The following AEBP1 variants were observed in gnomAD, a reference collection of about 807,000 sequenced individuals.
AEBP1 encodes AE binding protein 1.
In AEBP1, 69 loss-of-function variants were observed where a neutral mutation model predicts 116.5. The ratio of observed to expected loss-of-function variants is 0.59; its 90% CI spans 0.49 to 0.72. The LOEUF is 0.72. AEBP1 is among the 30% of genes least tolerant of loss of function. The pLI, the probability that AEBP1 is intolerant of heterozygous loss-of-function variation, is 0.00. For missense variants in AEBP1, 1,444 were observed against 1,557.5 expected (o/e 0.93, Z 1.23); for synonymous variants, 627 against 627.3 (o/e 1.00, Z 0.01).
rs138524537 is a variant in AEBP1, at chr7:44,110,905, C to T, written c.1486-8C>T. The T allele has an allele frequency of 2.0e-5, 33 of 1,613,742 alleles. No individual in the cohort carries two copies. Among genetic ancestry groups the T allele is most frequent in the Non-Finnish European group, 2.8e-5 (33 of 1,179,998 alleles). ...GGCAGTACTGCTCTGAGGCCTGCCT[C>T]TCCCCAGACCTTTCATGGGAACGTG... On this transcript the variant is annotated splice_region_variant and splice_polypyrimidine_tract_variant and intron_variant, in intron 12 of 20. Transcript: ENST00000223357.
At position 44,112,934 on chromosome 7, in the gene AEBP1, G is replaced by T; in HGVS notation, c.2569+25G>T. The T allele has an allele frequency of 6.2e-7, 1 of 1,612,016 alleles. No homozygotes were observed. The highest frequency in any genetic ancestry group is 1.1e-5 in the South Asian group (1 of 90,986). ...AGTGAGTCAGCCTGGGAGGGGCTGTGGGCGGGGCCTGGTCCGGAGAGGGGC... is the reference window on the plus strand; with the variant it reads ...AGTGAGTCAGCCTGGGAGGGGCTGTTGGCGGGGCCTGGTCCGGAGAGGGGC... On this transcript the variant is annotated intron_variant, in intron 18 of 20. Transcript: ENST00000223357. This position sits in a 1 kb window ranked among gnomAD's most constrained non-coding sequence, Gnocchi z 6.6.
Position 44,110,937 on chromosome 7 carries a change from G to A in AEBP1, c.1510G>A (p.Asp504Asn). 1 of 1,614,030 alleles carries A rather than the reference G, an allele frequency of 6.2e-7. No homozygotes were observed. Among genetic ancestry groups the A allele is most frequent in the Non-Finnish European group, 8.5e-7 (1 of 1,180,020 alleles). Residue 504 changes from aspartate (D) to asparagine (N), a missense_variant, in exon 13 of 21, where the codon GAC becomes AAC. Physicochemically the swap from Asp to Asn is conservative, Grantham distance 23. Transcript: ENST00000223357. ...EMTFHGNVDK[D>N]TPVLSELPEP... ...GACCTTTCATGGGAACGTGGACAAG[G>A]ACACACCCGTGCTGAGTGAGCTCCC...
rs113249989 is a variant in AEBP1 at position 44,107,184 on chromosome 7, G to T, written c.596-255G>T. The stretch of plus-strand genomic sequence containing the variant: ...ATGGAGTTCCCTCCTGCCTTCTCCC[G>T]CTGGGGACAGCTTTGTGGTAGGGCC... On this transcript the variant is annotated intron_variant, in intron 2 of 20. Coordinates refer to ENST00000223357, the MANE Select transcript of AEBP1 (RefSeq NM_001129.5). This position sits in a 1 kb window ranked among gnomAD's most constrained non-coding sequence, Gnocchi z 4.3. 0.015 allele frequency among the ~76,000 whole-genome samples: 2,319 copies of T among 152,272 alleles called. 55 individuals are homozygous for T. Among genetic ancestry groups the T allele is most frequent in the African/African-American group, 0.052 (2,141 of 41,564 alleles).
rs1349725218 is a variant in AEBP1, at chr7:44,108,008, G to A, written c.864G>A (p.Glu288=). 5 of 1,586,316 alleles carry A rather than the reference G, an allele frequency of 3.2e-6. No homozygotes were observed. The highest frequency in any genetic ancestry group is 4.3e-6 in the Non-Finnish European group (5 of 1,168,022). Residue 288 remains glutamate (E), a splice_region_variant and synonymous_variant, in exon 6 of 21, where the codon GAG becomes GAA. Coordinates refer to ENST00000223357, the MANE Select transcript of AEBP1 (RefSeq NM_001129.5). The surrounding 1 kb of genome is among the most constrained non-coding windows in gnomAD (Gnocchi z 5.0). ...CTCCTAACCTCCCCGCCTCCCCAGA[G>A]CCTCCTGTGAAGCCTCTGCTGCCCC... ...APAPAPEERI[E]PPVKPLLPPL...
Position 44,107,921 on chromosome 7 carries a change from G to T in AEBP1, c.852G>T (p.Glu284Asp). ...AGAAGGCCCCGGCCCCAGCCCCGGAGGAGAGGATTGGTAGGATGGGGGGCA... is the reference window on the plus strand; with the variant it reads ...AGAAGGCCCCGGCCCCAGCCCCGGATGAGAGGATTGGTAGGATGGGGGGCA... The part of the protein sequence containing the change: ...PEEKAPAPAP[E>D]ERIEPPVKPL... The change falls in exon 5 of 21, where the codon GAG becomes GAT. Residue 284 changes from glutamate (E) to aspartate (D), a missense_variant. Coordinates refer to ENST00000223357, the MANE Select transcript of AEBP1 (RefSeq NM_001129.5). This position sits in a 1 kb window ranked among gnomAD's most constrained non-coding sequence, Gnocchi z 4.3. 1 of 1,588,038 alleles carries T rather than the reference G, an allele frequency of 6.3e-7. No homozygotes were observed.
rs2128809560 is a variant in AEBP1, at chr7:44,113,874, G to A, written c.3090G>A (p.Arg1030=). The change falls in exon 21 of 21, where the codon CGG becomes CGA. Residue 1030 remains arginine, a synonymous_variant. Transcript: ENST00000223357. The surrounding 1 kb of genome is among the most constrained non-coding windows in gnomAD (Gnocchi z 5.3). The part of the protein sequence containing the change: ...QRRLQHRLRL[R]AQMRLRRLNA... ...GCCTACAACACCGCCTGCGGCTTCG[G>A]GCACAGATGCGGCTGCGGCGCCTCA... 1 of 1,613,624 alleles carries A rather than the reference G, an allele frequency of 6.2e-7. No homozygotes were observed. The highest frequency in any genetic ancestry group is 1.7e-5 in the Admixed American group (1 of 60,014).
intron 1 of AEBP1, 76 bp downstream of exon 1, chr7:44,104,994 G>A: frequency 8.2e-7 from 1 of 1,226,000 alleles, no homozygotes; most frequent in Non-Finnish European, 1.1e-6. Context: ...GTAGGGTCTG[G>A]CCACTCCCCA....
At position 44,113,653 on chromosome 7, in the gene AEBP1, G is replaced by A. The variant is rs1473933290; in HGVS notation, c.2869G>A (p.Ala957Thr). 1.2e-6 allele frequency: 2 copies of A among 1,613,676 alleles called. No individual in the cohort carries two copies. Among genetic ancestry groups the A allele is most frequent in the Non-Finnish European group, 1.7e-6 (2 of 1,179,972 alleles). Residue 957 changes from alanine to threonine, a missense_variant, in exon 21 of 21, where the codon GCG (alanine) becomes ACG (threonine). Transcript: ENST00000223357. The surrounding 1 kb of genome is among the most constrained non-coding windows in gnomAD (Gnocchi z 5.3). ...NPGEYRVTAH[A>T]EGYTPSAKTC... Reference sequence around the variant, plus strand: ...GGGTGAGTACCGCGTGACAGCCCACGCGGAGGGCTACACCCCGAGCGCCAA... The same window carrying A: ...GGGTGAGTACCGCGTGACAGCCCACACGGAGGGCTACACCCCGAGCGCCAA...
rs539867334 is a variant in AEBP1, at chr7:44,106,700, T to C, written c.408T>C (p.Pro136=). The C allele has an allele frequency of 3.3e-5, 53 of 1,582,240 alleles. No homozygotes were observed. In the African/African-American group the frequency reaches 5.2e-4, roughly 16 times the overall value. The change falls in exon 2 of 21, where the codon CCT becomes CCC. Residue 136 remains proline (P), a synonymous_variant. Transcript: ENST00000223357. ...CCAAGAAGCCCAAGGAGAAGCCACC[T>C]AAGGCCACCAAGAAGCCCAAGGAGA... ...KATKKPKEKP[P]KATKKPKEKP...
Position 44,106,726 on chromosome 7 carries a change from A to G in AEBP1, c.434A>G (p.Lys145Arg), listed in dbSNP as rs763213790. 2.5e-6 allele frequency: 4 copies of G among 1,611,966 alleles called. No individual in the cohort carries two copies. Among genetic ancestry groups the G allele is most frequent in the Non-Finnish European group, 3.4e-6 (4 of 1,179,482 alleles). The change falls in exon 2 of 21, where the codon AAG becomes AGG. Residue 145 changes from lysine to arginine, a missense_variant. Transcript: ENST00000223357. ...AAGGCCACCAAGAAGCCCAAGGAGA[A>G]GCCACCCAAGGCCACCAAGAAGCCC... ...PPKATKKPKEKPPKATKKPKE... is the reference protein window; with the variant it reads ...PPKATKKPKERPPKATKKPKE...
rs1384836112 is a variant in AEBP1, at chr7:44,108,274, G to T, written c.940+190G>T. 6.6e-6 allele frequency among the ~76,000 whole-genome samples: 1 copy of T among 152,176 alleles called. No homozygotes were observed. The highest frequency in any genetic ancestry group is 2.4e-5 in the African/African-American group (1 of 41,522). The stretch of plus-strand genomic sequence containing the variant: ...CCCTGTCTCCTCTGCCCTCAGGCTG[G>T]TCTTTCCTTGGCCGCTTCCCTGGTT... On this transcript the variant is annotated intron_variant, in intron 6 of 20. Transcript: ENST00000223357. The surrounding 1 kb of genome is among the most constrained non-coding windows in gnomAD (Gnocchi z 5.0).
At chr7:44,109,409 C>A in intron 9 of AEBP1, 68 bp downstream of exon 9, 1 of 1,437,250 alleles carries the variant, frequency 7.0e-7, no homozygotes, top group Non-Finnish European at 9.3e-7. Context: ...AAGTGACTGG[C>A]CCAATGTCAC....
chr7:44,113,631 T>C lies in AEBP1; in HGVS notation c.2847T>C (p.Gly949=). 2 of 1,612,688 alleles carry C rather than the reference T, an allele frequency of 1.2e-6. No individual in the cohort carries two copies. Among genetic ancestry groups the C allele is most frequent in the Non-Finnish European group, 1.7e-6 (2 of 1,179,774 alleles). ...ATTACTGGCGAATCTTGAACCCGGG[T>C]GAGTACCGCGTGACAGCCCACGCGG... ...GGDYWRILNP[G]EYRVTAHAEG... is the part of the protein sequence containing the mutation. The change falls in exon 21 of 21, where the codon GGT becomes GGC. Residue 949 remains glycine (G), a synonymous_variant. Transcript: ENST00000223357. This position sits in a 1 kb window ranked among gnomAD's most constrained non-coding sequence, Gnocchi z 5.3.
chr7:44,114,054 GAC>G lies in AEBP1; in HGVS notation c.3272_3273del (p.Thr1091ArgfsTer19). ...SETETYTEVV[T>X]EFGTEVEPEF... ...AGACTGAGACCTACACAGAGGTGGT[GAC>G]AGAGTTTGGGACCGAGGTGGAGCCC... On this transcript the variant is annotated frameshift_variant, in exon 21 of 21. Coordinates refer to ENST00000223357, the MANE Select transcript of AEBP1 (RefSeq NM_001129.5). LOFTEE classifies it low-confidence loss of function (END_TRUNC). 1 of 1,614,202 alleles carries G rather than the reference GAC, an allele frequency of 6.2e-7. No individual in the cohort carries two copies. The highest frequency in any genetic ancestry group is 8.5e-7 in the Non-Finnish European group (1 of 1,180,028).
Position 44,112,563 on chromosome 7 carries a change from C to T in AEBP1, c.2223C>T (p.Ser741=), listed in dbSNP as rs1039459540. Reference sequence around the variant, plus strand: ...ACACGTGCTGGCCACTCCAGGTATCCACGGAGGTCCGGGCCATCATTGCCT... The same window carrying T: ...ACACGTGCTGGCCACTCCAGGTATCTACGGAGGTCCGGGCCATCATTGCCT... ...ERYLSPDATV[S]TEVRAIIAWM... The change falls in exon 18 of 21, where the codon TCC becomes TCT. Residue 741 remains serine (S), a synonymous_variant. Coordinates refer to ENST00000223357, the MANE Select transcript of AEBP1 (RefSeq NM_001129.5). The surrounding 1 kb of genome is among the most constrained non-coding windows in gnomAD (Gnocchi z 6.6). The T allele has an allele frequency of 3.8e-6, 6 of 1,582,316 alleles. No homozygotes were observed. The highest frequency in any genetic ancestry group is 5.2e-6 in the Non-Finnish European group (6 of 1,160,010).
rs761358592 is a variant in AEBP1, at chr7:44,113,861, G to C, written c.3077G>C (p.Arg1026Pro). The change falls in exon 21 of 21, where the codon CGC (arginine) becomes CCC (proline). Residue 1026 changes from arginine (R) to proline (P), a missense_variant. By Grantham distance (103) the Arg-to-Pro change is moderately radical. Transcript: ENST00000223357. This position sits in a 1 kb window ranked among gnomAD's most constrained non-coding sequence, Gnocchi z 5.3. ...CTGCAGCAGCGACGCCTACAACACC[G>C]CCTGCGGCTTCGGGCACAGATGCGG... ...RRLQQRRLQHRLRLRAQMRLR... is the reference protein window; with the variant it reads ...RRLQQRRLQHPLRLRAQMRLR... The C allele has an allele frequency of 6.2e-7, 1 of 1,613,680 alleles. No homozygotes were observed. Among genetic ancestry groups the C allele is most frequent in the Non-Finnish European group, 8.5e-7 (1 of 1,179,988 alleles).
At position 44,104,739 on chromosome 7, in the gene AEBP1, C is replaced by T. The variant is rs1425359837; in HGVS notation, c.74C>T (p.Pro25Leu). ...CTGGCCCTGTGCCCTGGAGGGCGCC[C>T]GCAGACGGTGCTGACCGACGACGAG... ...ALLALCPGGR[P>L]QTVLTDDEIE... Residue 25 changes from proline (P) to leucine (L), a missense_variant, in exon 1 of 21, where the codon CCG (proline) becomes CTG (leucine). By Grantham distance (98) the Pro-to-Leu change is moderately conservative (BLOSUM62 -3). Coordinates refer to ENST00000223357, the MANE Select transcript of AEBP1 (RefSeq NM_001129.5). 6.2e-7 allele frequency: 1 copy of T among 1,611,232 alleles called. No individual in the cohort carries two copies. The highest frequency in any genetic ancestry group is 1.1e-5 in the South Asian group (1 of 90,966).
intron 1 of AEBP1, among the ~76,000 whole-genome samples, chr7:44,105,765 C>T (rs185635545): frequency 5.4e-4 from 82 of 152,274 alleles, no homozygotes; most frequent in Admixed American, 1.6e-3. Context: ...TGGTAGCTTT[C>T]CTGTGTTTCT....
rs745733452 is a variant in AEBP1 at position 44,113,614 on chromosome 7, C to A, written c.2830C>A (p.Arg944=). Residue 944 remains arginine (R), a synonymous_variant, in exon 21 of 21, where the codon CGA becomes AGA. Coordinates refer to ENST00000223357, the MANE Select transcript of AEBP1 (RefSeq NM_001129.5). The surrounding 1 kb of genome is among the most constrained non-coding windows in gnomAD (Gnocchi z 5.3). The part of the protein sequence containing the change: ...VKTASGGDYW[R]ILNPGEYRVT... ...CGCAGCCAGTGGTGGTGATTACTGG[C>A]GAATCTTGAACCCGGGTGAGTACCG... The A allele has an allele frequency of 4.3e-6, 7 of 1,612,106 alleles. No homozygotes were observed. In the East Asian group the frequency reaches 1.6e-4, roughly 36 times the overall value.
Sources: allele counts gnomAD v4.1 joint callset (sites outside exome capture counted in the v4.1 genomes callset), GRCh38; gene constraint gnomAD v4.1.1; non-coding constraint Gnocchi (gnomAD v3.1); transcripts MANE v1.5; gene names NCBI Gene and HGNC (gene_info 2026-07-23, HGNC 2026-07-21).